OR56A3: variants seen among roughly 807,000 people sequenced by gnomAD.
The protein encoded by OR56A3 is olfactory receptor family 56 subfamily A member 3.
A neutral mutation model predicts 17.5 loss-of-function variants in OR56A3; 23 were observed. The ratio of observed to expected loss-of-function variants is 1.32; its 90% CI spans 0.95 to 1.87. The LOEUF is 1.87. OR56A3 is among the 40% of genes most tolerant of loss of function. The pLI is 0.00. For synonymous variants in OR56A3, 175 were observed against 150.6 expected (o/e 1.16, Z -1.19); for missense variants, 366 against 380.1 (o/e 0.96, Z 0.31).
At chr11:6,003,105 C>T in the OR56A3 span, 1 of 1,601,686 alleles carries the variant, frequency 6.2e-7, no homozygotes, top group Middle Eastern at 1.7e-4. Flanking sequence ...TCCACTGAGG[C>T]CCTGTATCTG....
the OR56A3 span, among the ~76,000 whole-genome samples, chr11:5,964,484 C>G: frequency 1.3e-5 from 2 of 152,188 alleles, no homozygotes; most frequent in Admixed American, 6.5e-5. Context: ...AGCCTATGAT[C>G]TGCACTGGCC....
the OR56A3 span, among the ~76,000 whole-genome samples, chr11:5,969,272 A>G: frequency 6.6e-6 from 1 of 152,230 alleles, no homozygotes; most frequent in Non-Finnish European, 1.5e-5. Flanking sequence ...ATTCATGACA[A>G]TAACCTTCTC....
Position 5,948,111 on chromosome 11 carries a change from C to T in OR56A3, c.765C>T (p.Phe255=). Residue 255 remains phenylalanine, a synonymous_variant, in exon 3 of 3, where the codon TTC becomes TTT. Transcript: ENST00000641160. The stretch of plus-strand genomic sequence containing the variant: ...CCCACTTCATGCTCATCCTCTTCTT[C>T]AGCACCATCCTTCTGGTTTTTGTCC... ...CGSHFMLILF[F]STILLVFVLT... The T allele has an allele frequency of 1.2e-6, 2 of 1,614,236 alleles. No homozygotes were observed. The highest frequency in any genetic ancestry group is 2.2e-5 in the South Asian group (2 of 91,084).
At chr11:5,994,785 C>T in the OR56A3 span, 8 of 755,716 alleles carry the variant, frequency 1.1e-5, no homozygotes, top group South Asian at 4.0e-5. Flanking sequence ...AAGTAATGTC[C>T]CCAGTCTACC....
the OR56A3 span, among the ~76,000 whole-genome samples, chr11:6,009,686 G>C: frequency 1.3e-5 from 2 of 152,044 alleles, no homozygotes; most frequent in Non-Finnish European, 2.9e-5. Flanking sequence ...GCTCTATTCA[G>C]AACTTTTTGT....
intron 1 of OR56A3, among the ~76,000 whole-genome samples, chr11:5,943,106 G>A (rs1219806089): frequency 6.6e-6 from 1 of 152,210 alleles, no homozygotes; most frequent in Non-Finnish European, 1.5e-5. Context: ...AGGAGCAAAT[G>A]TGTTTCCAGA....
In OR56A3 at chr11:5,949,856, A is replaced by G. The variant is rs1847897693; in HGVS notation, c.*1562A>G. 1.3e-5 allele frequency: 2 copies of G among 152,334 alleles called. No homozygotes were observed. The highest frequency in any genetic ancestry group is 6.8e-3 in the Middle Eastern group (2 of 294). 9.4% of individuals were successfully genotyped at this position (152,334 alleles called of 1,614,324 possible). A position where few individuals can be genotyped will look rare whatever the true frequency, so the allele number is the denominator to read the frequency against. ...GAAAAATAAGCATGTACCACATATA[A>G]GAAGCAATAGTTAAAAGCATATAAT... On this transcript the variant is annotated 3_prime_UTR_variant, in exon 3 of 3. Coordinates refer to ENST00000641160, the MANE Select transcript of OR56A3 (RefSeq NM_001003443.3).
chr11:5,968,370 A>G, the OR56A3 span: 1 of 1,613,888 alleles, frequency 6.2e-7, no homozygotes. Context: ...ATTGGCCCCC[A>G]TGGCCAGGAG....
In OR56A3 at chr11:5,947,819, T is replaced by A; in HGVS notation, c.473T>A (p.Leu158His). The A allele has an allele frequency of 6.2e-7, 1 of 1,614,216 alleles. No homozygotes were observed. Among genetic ancestry groups the A allele is most frequent in the Middle Eastern group, 1.6e-4 (1 of 6,062 alleles). The change falls in exon 3 of 3, where the codon CTT (leucine) becomes CAT (histidine). Residue 158 changes from leucine to histidine, a missense_variant. Leu to His is a moderately conservative substitution (Grantham distance 99, BLOSUM62 -3). Coordinates refer to ENST00000641160, the MANE Select transcript of OR56A3 (RefSeq NM_001003443.3). ...ATGTTTATTTTGACCAGAAATGTGC[T>A]TATGACTCTGCCCATCCCCATCCTT... ...AAMFILTRNV[L>H]MTLPIPILSA...
At chr11:6,014,989 CAAAAAAAAAAA>C in the OR56A3 span, among the ~76,000 whole-genome samples, 8 of 35,202 alleles carry the variant, frequency 2.3e-4, no homozygotes, top group South Asian at 0.012. Flanking sequence ...TATTCATGGG[CAAAAAAAAAAA>C]AAAAAAAAAA....
At chr11:5,983,412 T>C in the OR56A3 span, among the ~76,000 whole-genome samples, 2 of 152,140 alleles carry the variant, frequency 1.3e-5, no homozygotes, top group Non-Finnish European at 2.9e-5. Context: ...CTTATTGTTA[T>C]TGTTTTCCAA....
At chr11:6,010,645 T>C in the OR56A3 span, among the ~76,000 whole-genome samples, 1 of 152,228 alleles carries the variant, frequency 6.6e-6, no homozygotes, top group Non-Finnish European at 1.5e-5. Flanking sequence ...ATTGTTATTC[T>C]TTGCAGATTA....
At chr11:5,991,901 A>G in the OR56A3 span, among the ~76,000 whole-genome samples, 1 of 152,322 alleles carries the variant, frequency 6.6e-6, no homozygotes, top group African/African-American at 2.4e-5. Flanking sequence ...AGCCTAAGTT[A>G]GCCCCCAGAT....
chr11:6,002,138 G>A, the OR56A3 span: 4 of 1,614,168 alleles, frequency 2.5e-6, no homozygotes, highest in Non-Finnish European at 3.4e-6. Context: ...CTGGGGGAAT[G>A]AGGTGGTGCA....
At chr11:5,961,839 T>C in the OR56A3 span, among the ~76,000 whole-genome samples, 1 of 152,194 alleles carries the variant, frequency 6.6e-6, no homozygotes, top group Non-Finnish European at 1.5e-5. Context: ...TTATGTTGTT[T>C]CCATATAGGG....
At chr11:6,001,799 G>A in the OR56A3 span, 5 of 398,882 alleles carry the variant, frequency 1.3e-5, no homozygotes, top group South Asian at 1.4e-4. Context: ...AAGATTCTTT[G>A]TTGCAGATTA....
the OR56A3 span, among the ~76,000 whole-genome samples, chr11:5,995,751 C>T: frequency 2.0e-5 from 3 of 152,244 alleles, no homozygotes; most frequent in South Asian, 2.1e-4. Context: ...CACCACCAAA[C>T]GTTCACTATC....
the OR56A3 span, among the ~76,000 whole-genome samples, chr11:6,014,889 G>A: frequency 6.7e-6 from 1 of 148,370 alleles, no homozygotes; most frequent in Admixed American, 6.9e-5. Flanking sequence ...CCAGGAATCT[G>A]TGGAACTTTG....
chr11:5,978,534 G>A, the OR56A3 span, among the ~76,000 whole-genome samples: 1 of 151,994 alleles, frequency 6.6e-6, no homozygotes, highest in African/African-American at 2.4e-5. Flanking sequence ...GGTGTGTATA[G>A]GAATAGTACT....
Sources: gnomAD v4.1 joint callset for allele counts (sites outside exome capture counted in the v4.1 genomes callset) on GRCh38, gnomAD v4.1.1 for gene constraint, MANE v1.5 for transcripts, NCBI Gene and HGNC (gene_info 2026-07-23, HGNC 2026-07-21) for gene names.